The following VAV3 variants were observed in gnomAD, a reference collection of about 807,000 sequenced individuals.
VAV3 encodes the protein guanine nucleotide exchange factor VAV3.
In VAV3, 94 loss-of-function variants were observed where a neutral mutation model predicts 131.2. That is an observed-to-expected ratio of 0.72 (90% confidence interval 0.61 to 0.85). The LOEUF (loss-of-function observed/expected upper bound fraction) is 0.85. Among genes scored for constraint, VAV3 ranks in the 40% least tolerant of loss-of-function variants. VAV3 has a pLI of 0.00. For missense variants in VAV3, 939 were observed against 1,002.7 expected (o/e 0.94, Z 0.86); for synonymous variants, 349 against 342.0 (o/e 1.02, Z -0.22).
intron 25 of VAV3, among the ~76,000 whole-genome samples, chr1:107,586,468 C>A (rs754192270): frequency 3.9e-5 from 6 of 152,004 alleles, no homozygotes; most frequent in Non-Finnish European, 8.8e-5. Flanking sequence ...GAACTGTACC[C>A]TTTGAGGAGG....
intron 15 of VAV3, among the ~76,000 whole-genome samples, chr1:107,731,655 CAGTGAA>C (rs1662246605): frequency 6.6e-6 from 1 of 152,150 alleles, no homozygotes. Flanking sequence ...GAATCTTCTA[CAGTGAA>C]AGCTAACCAA....
At chr1:107,908,135 A>C (rs1672191128) in intron 1 of VAV3, among the ~76,000 whole-genome samples, 1 of 152,228 alleles carries the variant, frequency 6.6e-6, no homozygotes, top group South Asian at 2.1e-4. Context: ...TACATTTCCC[A>C]GATCCCTTGT....
At chr1:107,726,822 G>A (rs1661872095) in intron 15 of VAV3, among the ~76,000 whole-genome samples, 1 of 152,094 alleles carries the variant, frequency 6.6e-6, no homozygotes, top group Non-Finnish European at 1.5e-5. Flanking sequence ...GAATTTTACT[G>A]ATGGTTTACA....
intron 4 of VAV3, among the ~76,000 whole-genome samples, chr1:107,773,244 T>G (rs967654398): frequency 6.6e-6 from 1 of 152,188 alleles, no homozygotes; most frequent in Admixed American, 6.5e-5. Context: ...GATCCAATAT[T>G]TAAAACCAAG....
intron 1 of VAV3, among the ~76,000 whole-genome samples, chr1:107,923,830 A>C (rs1241578473): frequency 6.6e-6 from 1 of 152,182 alleles, no homozygotes; most frequent in Non-Finnish European, 1.5e-5. Context: ...AAGCCTAACC[A>C]TATCAAGGCC....
At chr1:107,699,515 G>C (rs1659961322) in intron 17 of VAV3, among the ~76,000 whole-genome samples, 1 of 152,208 alleles carries the variant, frequency 6.6e-6, no homozygotes, top group Non-Finnish European at 1.5e-5. Context: ...TACCATTGTG[G>C]AATCTGGAGG....
intron 1 of VAV3, among the ~76,000 whole-genome samples, chr1:107,922,584 T>G (rs976561156): frequency 6.6e-6 from 1 of 152,256 alleles, no homozygotes; most frequent in South Asian, 2.1e-4. Flanking sequence ...TTAAGAACAT[T>G]AAGAGGAAAC....
At chr1:107,672,113 C>T (rs1657849987) in intron 19 of VAV3, 1 of 151,628 alleles carries the variant, frequency 6.6e-6, no homozygotes, top group African/African-American at 2.4e-5. Flanking sequence ...ACTAAAAATA[C>T]AAAAACTTAG....
At chr1:107,848,431 CA>C (rs1482514008) in intron 2 of VAV3, among the ~76,000 whole-genome samples, 1 of 151,832 alleles carries the variant, frequency 6.6e-6, no homozygotes, top group Non-Finnish European at 1.5e-5. Flanking sequence ...ATATGAAAAT[CA>C]ATAAACATAA....
At chr1:107,644,605 C>A (rs961871859) in intron 19 of VAV3, among the ~76,000 whole-genome samples, 1 of 152,078 alleles carries the variant, frequency 6.6e-6, no homozygotes, top group African/African-American at 2.4e-5. Flanking sequence ...AAGGGAGCAG[C>A]GTCATGTGAC....
intron 19 of VAV3, among the ~76,000 whole-genome samples, chr1:107,668,291 A>G (rs1425405419): frequency 6.6e-6 from 1 of 152,224 alleles, no homozygotes; most frequent in African/African-American, 2.4e-5. Context: ...TTAGTTAAAA[A>G]CATACAATGC....
intron 20 of VAV3, among the ~76,000 whole-genome samples, chr1:107,635,976 T>C (rs752384339): frequency 6.6e-6 from 1 of 152,244 alleles, no homozygotes; most frequent in African/African-American, 2.4e-5. Context: ...ATTCATTTTA[T>C]AGAATTTTCA....
intron 21 of VAV3, among the ~76,000 whole-genome samples, chr1:107,613,014 A>C (rs1012586279): frequency 4.6e-5 from 7 of 152,074 alleles, no homozygotes; most frequent in African/African-American, 1.7e-4. Flanking sequence ...TTTTGTTTTG[A>C]TATTTTGTCC....
Position 107,748,912 on chromosome 1 carries a change from T to A in VAV3, c.1502+56A>T, listed in dbSNP as rs41278458. 5,991 of 1,252,824 alleles carry A rather than the reference T, an allele frequency of 4.8e-3. 26 individuals carry two copies. The highest frequency in any genetic ancestry group is 5.9e-3 in the Non-Finnish European group (5,237 of 887,480). 77.6% of individuals were successfully genotyped at this position (1,252,824 alleles called of 1,614,324 possible). On this transcript the variant is annotated intron_variant, in intron 15 of 26. Coordinates refer to ENST00000370056, the MANE Select transcript of VAV3 (RefSeq NM_006113.5). ...AGTACACTTATTGGTTGTTCATTAT[T>A]CATAAGTGATTTAACTAGTAAAAAT...
chr1:107,665,546 G>A (rs1392996741), intron 19 of VAV3, among the ~76,000 whole-genome samples: 2 of 152,158 alleles, frequency 1.3e-5, no homozygotes, highest in Non-Finnish European at 2.9e-5. Context: ...CCAGGTGTTT[G>A]TCCTCAAAGG....
intron 2 of VAV3, among the ~76,000 whole-genome samples, chr1:107,820,063 A>G (rs1667729911): frequency 6.6e-6 from 1 of 152,148 alleles, no homozygotes; most frequent in South Asian, 2.1e-4. Context: ...TCCTCAAAAA[A>G]CTAAAAATAT....
Position 107,697,094 on chromosome 1 carries a change from CCA to C in VAV3, c.1705+7454_1705+7455del, listed in dbSNP as rs1557770778. On this transcript the variant is annotated intron_variant, in intron 17 of 26. Transcript: ENST00000370056. Reference sequence around the variant, plus strand: ...TACCAAGCTCAAACTCACACTCTACCCACAGTTACCACCTATACCAGGGTGAG... The same window carrying C: ...TACCAAGCTCAAACTCACACTCTACCCAGTTACCACCTATACCAGGGTGAG... 2.6e-5 allele frequency among the ~76,000 whole-genome samples: 4 copies of C among 152,152 alleles called. No homozygotes were observed. In the South Asian group the frequency reaches 8.3e-4, roughly 32 times the overall value.
At chr1:107,574,291 G>T in intron 25 of VAV3, 93 bp from the exon 26 acceptor site, 1 of 1,466,828 alleles carries the variant, frequency 6.8e-7, no homozygotes, top group Non-Finnish European at 9.2e-7. Flanking sequence ...GCTATCAAAT[G>T]CACAGTCGTG....
chr1:107,740,025 G>A (rs12406345), intron 15 of VAV3, among the ~76,000 whole-genome samples: 12,718 of 152,240 alleles, frequency 0.084, 689 homozygotes, highest in Admixed American at 0.17. Flanking sequence ...GGTGGCTCAC[G>A]CCTGAAATCC....
Sources: gnomAD v4.1 joint callset for allele counts (sites outside exome capture counted in the v4.1 genomes callset) on GRCh38, gnomAD v4.1.1 for gene constraint, MANE v1.5 for transcripts, NCBI Gene and HGNC (gene_info 2026-07-23, HGNC 2026-07-21) for gene names.